Variants in NBAS observed in about 807,000 individuals in gnomAD.
NBAS encodes the protein NAG/BC035112 fusion.
In NBAS, 219 loss-of-function variants were observed where a neutral mutation model predicts 302.5. The ratio of observed to expected loss-of-function variants is 0.72; its 90% CI spans 0.65 to 0.81. The LOEUF is 0.81. Among genes scored for constraint, NBAS ranks in the 30% least tolerant of loss-of-function variants. The probability of loss-of-function intolerance (pLI) is 0.00; values close to 1 mark genes in which losing one functional copy is unlikely to be tolerated. For synonymous variants in NBAS, 1,118 were observed against 1,021.6 expected (o/e 1.09, Z -1.80); for missense variants, 2,932 against 2,841.6 (o/e 1.03, Z -0.72).
the NBAS span, among the ~76,000 whole-genome samples, chr2:14,982,039 C>G: frequency 2.0e-5 from 3 of 152,296 alleles, no homozygotes; most frequent in Non-Finnish European, 4.4e-5. Context: ...CTTCCAAAGT[C>G]AGATAATAAG....
chr2:15,200,988 T>G (rs1231339554), intron 48 of NBAS, among the ~76,000 whole-genome samples: 1 of 152,224 alleles, frequency 6.6e-6, no homozygotes. Flanking sequence ...AAGTACTTTA[T>G]AAATAGACAA....
At chr2:14,917,605 T>A in the NBAS span, among the ~76,000 whole-genome samples, 1 of 152,192 alleles carries the variant, frequency 6.6e-6, no homozygotes, top group South Asian at 2.1e-4. Flanking sequence ...AGAGTCTGCC[T>A]GCCACATGGA....
chr2:15,488,966 G>A lies in NBAS; in HGVS notation c.1011C>T (p.His337=), dbSNP rs1453399533. 2 of 1,613,928 alleles carry A rather than the reference G, an allele frequency of 1.2e-6. No homozygotes were observed. The highest frequency in any genetic ancestry group is 1.3e-5 in the African/African-American group (1 of 75,042). ...SPDGMLLAAI[H]FSGKLSIWAI... ...CCCAGATGCTCAGTTTCCCTGAGAA[G>A]TGAATGGCTGCCAGGAGCATCCCAT... Residue 337 remains histidine, a synonymous_variant, in exon 12 of 52, where the codon CAC becomes CAT. Transcript: ENST00000281513.
chr2:14,855,756 T>C, the NBAS span, among the ~76,000 whole-genome samples: 3 of 152,094 alleles, frequency 2.0e-5, no homozygotes, highest in African/African-American at 7.2e-5. Flanking sequence ...CACGATACAA[T>C]AGAACACTAA....
At chr2:15,408,990 G>A (rs150343421) in intron 25 of NBAS, among the ~76,000 whole-genome samples, 34 of 152,192 alleles carry the variant, frequency 2.2e-4, no homozygotes, top group African/African-American at 7.5e-4. Flanking sequence ...CCTGGGCAAC[G>A]TAGCAAGACA....
the NBAS span, among the ~76,000 whole-genome samples, chr2:15,158,693 T>C: frequency 6.6e-6 from 1 of 152,164 alleles, no homozygotes; most frequent in Non-Finnish European, 1.5e-5. Flanking sequence ...AAGGTGGGGC[T>C]CGACTTTCCT....
intron 47 of NBAS, 34 bp from the exon 48 acceptor site, chr2:15,219,002 C>T (rs1358732537): frequency 6.2e-7 from 1 of 1,611,884 alleles, no homozygotes; most frequent in South Asian, 1.1e-5. Context: ...TCTGTAAACT[C>T]CTAAGCCTTT....
chr2:14,939,904 C>T, the NBAS span, among the ~76,000 whole-genome samples: 25 of 152,182 alleles, frequency 1.6e-4, no homozygotes, highest in Non-Finnish European at 2.8e-4. Context: ...TAAATCAATG[C>T]AAAATGCTAA....
At chr2:15,262,517 T>C (rs1318744624) in intron 44 of NBAS, among the ~76,000 whole-genome samples, 1 of 152,214 alleles carries the variant, frequency 6.6e-6, no homozygotes, top group Non-Finnish European at 1.5e-5. Context: ...ACTCAGAATA[T>C]AGAGTAATTT....
intron 44 of NBAS, among the ~76,000 whole-genome samples, chr2:15,241,458 C>T (rs1432325964): frequency 1.3e-5 from 2 of 152,130 alleles, no homozygotes; most frequent in African/African-American, 4.8e-5. Context: ...CTTTGTCAAC[C>T]AACCATGGAA....
At chr2:15,015,786 C>T in the NBAS span, among the ~76,000 whole-genome samples, 1 of 152,064 alleles carries the variant, frequency 6.6e-6, no homozygotes. Flanking sequence ...AAGTTCTAGC[C>T]AGAGGAATTA....
At chr2:15,458,990 T>C (rs759203964) in intron 21 of NBAS, among the ~76,000 whole-genome samples, 2 of 152,220 alleles carry the variant, frequency 1.3e-5, no homozygotes, top group Non-Finnish European at 2.9e-5. Flanking sequence ...TCTGCTGCAA[T>C]AGGGTATGAC....
At chr2:14,779,866 T>A in the NBAS span, among the ~76,000 whole-genome samples, 16 of 152,338 alleles carry the variant, frequency 1.1e-4, no homozygotes, top group Admixed American at 2.0e-4. Context: ...ATTTTTCAGA[T>A]GACTGAATGA....
the NBAS span, among the ~76,000 whole-genome samples, chr2:14,933,197 C>T: frequency 3.9e-5 from 6 of 152,306 alleles, no homozygotes; most frequent in African/African-American, 1.4e-4. Flanking sequence ...ATGCCCCTGG[C>T]TGGGACTGAG....
chr2:15,012,634 C>T, the NBAS span, among the ~76,000 whole-genome samples: 2 of 152,032 alleles, frequency 1.3e-5, no homozygotes, highest in Non-Finnish European at 2.9e-5. Context: ...AAAGACAAAG[C>T]ATTCTTAAAA....
intron 25 of NBAS, among the ~76,000 whole-genome samples, chr2:15,414,533 C>T (rs74735172): frequency 6.6e-6 from 1 of 152,192 alleles, no homozygotes; most frequent in African/African-American, 2.4e-5. Context: ...GCCAAAGTAC[C>T]CTACACTTAA....
the NBAS span, among the ~76,000 whole-genome samples, chr2:14,978,980 G>C: frequency 4.6e-5 from 7 of 152,294 alleles, 1 homozygote; most frequent in South Asian, 1.5e-3. Context: ...GAGGTGCATG[G>C]AGAGCTATTT....
At chr2:15,141,992 G>A in the NBAS span, among the ~76,000 whole-genome samples, 1 of 152,186 alleles carries the variant, frequency 6.6e-6, no homozygotes, top group Non-Finnish European at 1.5e-5. Flanking sequence ...TTTAAAAACA[G>A]TGTGAGTCTG....
chr2:14,958,066 CT>C, the NBAS span, among the ~76,000 whole-genome samples: 322 of 152,332 alleles, frequency 2.1e-3, 1 homozygote, highest in African/African-American at 7.3e-3. Flanking sequence ...GTGAGTTTGC[CT>C]TGTCCTTTAA....
Sources: gnomAD v4.1 joint callset for allele counts (sites outside exome capture counted in the v4.1 genomes callset) on GRCh38, gnomAD v4.1.1 for gene constraint, MANE v1.5 for transcripts, NCBI Gene and HGNC (gene_info 2026-07-23, HGNC 2026-07-21) for gene names.